LY86: variants seen among roughly 807,000 people sequenced by gnomAD.
LY86 encodes the protein lymphocyte antigen 86.
Under a neutral mutation model 17.3 loss-of-function variants are expected in LY86, and 20 were observed. That is an observed-to-expected ratio of 1.15 (90% CI 0.81 to 1.68). The LOEUF is 1.68. Among genes scored for constraint, LY86 ranks in the 40% most tolerant of loss-of-function variants. The pLI, the probability that LY86 is intolerant of heterozygous loss-of-function variation, is 0.00. For synonymous variants in LY86, 74 were observed against 70.6 expected (o/e 1.05, Z -0.24); for missense variants, 200 against 191.9 (o/e 1.04, Z -0.25).
intron 1 of LY86, among the ~76,000 whole-genome samples, chr6:6,610,839 G>A (rs1339637997): frequency 6.6e-6 from 1 of 152,176 alleles, no homozygotes; most frequent in African/African-American, 2.4e-5. Context: ...AGGTGAGCAT[G>A]TCTGAGCTTA....
At chr6:6,601,775 C>T (rs1007648608) in intron 1 of LY86, among the ~76,000 whole-genome samples, 1 of 152,116 alleles carries the variant, frequency 6.6e-6, no homozygotes, top group African/African-American at 2.4e-5. Flanking sequence ...GACCATGGTG[C>T]TTGCCTCATC....
At position 6,592,241 on chromosome 6, in the gene LY86, A is replaced by C. The variant is rs149603877; in HGVS notation, c.136+3371A>C. Among the ~76,000 whole-genome samples the C allele has an allele frequency of 1.8e-3, 268 of 152,332 alleles. 1 individual carries two copies. Among genetic ancestry groups the C allele is most frequent in the Non-Finnish European group, 3.1e-3 (213 of 68,032 alleles). On this transcript the variant is annotated intron_variant, in intron 1 of 4. Coordinates refer to ENST00000230568, the MANE Select transcript of LY86 (RefSeq NM_004271.4). ...TAGGAAGTAAGCAGTTTTCTGAAAA[A>C]GCAGAAGTCCTGGCCTGGCCAACTG...
At position 6,603,632 on chromosome 6, in the gene LY86, AAC is replaced by A. The variant is rs540840468; in HGVS notation, c.136+14784_136+14785del. Among the ~76,000 whole-genome samples, 691 of 135,824 alleles carry A rather than the reference AAC, an allele frequency of 5.1e-3. 9 individuals carry two copies. In the East Asian group the frequency reaches 0.058, roughly 11 times the overall value. 89.1% of individuals were successfully genotyped at this position (135,824 alleles called of 152,430 possible). On this transcript the variant is annotated intron_variant, in intron 1 of 4. Transcript: ENST00000230568. Reference sequence around the variant, plus strand: ...AAAAAAAACAAACAAAAAAAAACAAAACACACACACACACACACACACAGAGT... The same window carrying A: ...AAAAAAAACAAACAAAAAAAAACAAAACACACACACACACACACACAGAGT...
chr6:6,625,265 C>A lies in LY86; in HGVS notation c.223+253C>A, dbSNP rs1039788861. Reference sequence around the variant, plus strand: ...GGCACTCATTTGGATGATATAAGCACCTGGAATCAGTATACCCAGCAAAAA... The same window carrying A: ...GGCACTCATTTGGATGATATAAGCAACTGGAATCAGTATACCCAGCAAAAA... On this transcript the variant is annotated intron_variant, in intron 2 of 4. Coordinates refer to ENST00000230568, the MANE Select transcript of LY86 (RefSeq NM_004271.4). Among the ~76,000 whole-genome samples the A allele has an allele frequency of 2.0e-5, 3 of 152,178 alleles. No homozygotes were observed. In the South Asian group the frequency reaches 6.2e-4, roughly 32 times the overall value.
rs762422235 is a variant in LY86, at chr6:6,649,648, G to A, written c.376G>A (p.Val126Ile). The A allele has an allele frequency of 5.7e-6, 9 of 1,575,376 alleles. No homozygotes were observed. Among genetic ancestry groups the A allele is most frequent in the Non-Finnish European group, 7.0e-6 (8 of 1,149,786 alleles). The stretch of plus-strand genomic sequence containing the variant: ...AGAGCAGATTTACTATGCTGGGCCT[G>A]TCAATAATCCTGAATTTACTATTCC... ...KGEQIYYAGPVNNPEFTIPQG... is the reference protein window; with the variant it reads ...KGEQIYYAGPINNPEFTIPQG... Residue 126 changes from valine (V) to isoleucine (I), a missense_variant, in exon 4 of 5, where the codon GTC becomes ATC. Physicochemically the swap from Val to Ile is conservative, Grantham distance 29. Coordinates refer to ENST00000230568, the MANE Select transcript of LY86 (RefSeq NM_004271.4).
At chr6:6,620,039 C>T (rs1761638573) in intron 1 of LY86, among the ~76,000 whole-genome samples, 1 of 152,116 alleles carries the variant, frequency 6.6e-6, no homozygotes, top group African/African-American at 2.4e-5. Context: ...CACAGCGACT[C>T]TGCTGTAAGA....
intron 1 of LY86, among the ~76,000 whole-genome samples, chr6:6,607,489 C>G (rs566691282): frequency 2.0e-5 from 3 of 150,912 alleles, no homozygotes; most frequent in African/African-American, 7.3e-5. Flanking sequence ...ATAAACAAAA[C>G]AATAAAAACA....
chr6:6,589,309 CAA>C (rs1760454309), intron 1 of LY86, among the ~76,000 whole-genome samples: 1 of 152,230 alleles, frequency 6.6e-6, no homozygotes, highest in African/African-American at 2.4e-5. Context: ...CACTTCTGCC[CAA>C]AGAGAAGATT....
intron 1 of LY86, among the ~76,000 whole-genome samples, chr6:6,613,159 C>T (rs1420084865): frequency 6.6e-6 from 1 of 152,266 alleles, no homozygotes; most frequent in African/African-American, 2.4e-5. Flanking sequence ...AATCCCTTAG[C>T]TAGACATAAA....
intron 3 of LY86, among the ~76,000 whole-genome samples, chr6:6,632,608 G>GGCTGC (rs1761912013): frequency 6.6e-6 from 1 of 152,204 alleles, no homozygotes; most frequent in Non-Finnish European, 1.5e-5. Context: ...GGAGCAGCCA[G>GGCTGC]TCCATAACAT....
At chr6:6,624,445 C>A (rs907001803) in intron 1 of LY86, among the ~76,000 whole-genome samples, 11 of 102,602 alleles carry the variant, frequency 1.1e-4, no homozygotes, top group Non-Finnish European at 1.6e-4. Context: ...ATTAGAAAGG[C>A]AGGTCTTAAC....
intron 3 of LY86, among the ~76,000 whole-genome samples, chr6:6,627,589 G>A (rs2113143070): frequency 6.6e-6 from 1 of 152,268 alleles, no homozygotes; most frequent in South Asian, 2.1e-4. Context: ...CTGCTTGAGG[G>A]TAGGGTCATA....
At chr6:6,623,945 A>G (rs1761731867) in intron 1 of LY86, among the ~76,000 whole-genome samples, 1 of 152,230 alleles carries the variant, frequency 6.6e-6, no homozygotes, top group African/African-American at 2.4e-5. Context: ...ACATGTTTGT[A>G]CACTTTACCA....
intron 1 of LY86, among the ~76,000 whole-genome samples, chr6:6,620,559 C>G (rs777643249): frequency 6.6e-6 from 1 of 152,172 alleles, no homozygotes; most frequent in Non-Finnish European, 1.5e-5. Flanking sequence ...TACCCGGGCC[C>G]CCACCATCCT....
intron 3 of LY86, among the ~76,000 whole-genome samples, chr6:6,628,337 C>T (rs1251645431): frequency 1.4e-5 from 2 of 147,616 alleles, no homozygotes; most frequent in African/African-American, 5.0e-5. Flanking sequence ...ATCCCTCCCT[C>T]CCTTCCTCCC....
chr6:6,603,218 C>T (rs761961499), intron 1 of LY86, among the ~76,000 whole-genome samples: 10 of 152,108 alleles, frequency 6.6e-5, no homozygotes, highest in Non-Finnish European at 1.0e-4. Context: ...AATATGATTG[C>T]ATTAGGAATT....
chr6:6,629,992 A>G (rs3804478), intron 3 of LY86, among the ~76,000 whole-genome samples: 27,890 of 152,226 alleles, frequency 0.18, 2,691 homozygotes, highest in East Asian at 0.3. Context: ...AAGTGTAGTC[A>G]CTGTTGAATC....
chr6:6,605,045 AG>A (rs1226754696), intron 1 of LY86, among the ~76,000 whole-genome samples: 1 of 125,124 alleles, frequency 8.0e-6, no homozygotes, highest in Non-Finnish European at 1.8e-5. Flanking sequence ...AAAAAAATCT[AG>A]AGTGTTTGCC....
chr6:6,626,142 T>A, intron 2 of LY86, 151 bp from the exon 3 acceptor site: 1 of 725,322 alleles, frequency 1.4e-6, no homozygotes. Flanking sequence ...CTAAATGCTG[T>A]TTTACCAAGG....
Sources: allele counts gnomAD v4.1 joint callset (sites outside exome capture counted in the v4.1 genomes callset), GRCh38; gene constraint gnomAD v4.1.1; transcripts MANE v1.5; gene names NCBI Gene and HGNC (gene_info 2026-07-23, HGNC 2026-07-21).